DPY19L1: variants seen among roughly 807,000 people sequenced by gnomAD.
DPY19L1 encodes the protein protein C-mannosyl-transferase DPY19L1.
In DPY19L1, 35 loss-of-function variants were observed where a neutral mutation model predicts 96.9. The ratio of observed to expected loss-of-function variants is 0.36; its 90% CI spans 0.28 to 0.48. DPY19L1 has a LOEUF of 0.48. DPY19L1 is among the 20% of genes least tolerant of loss of function. The pLI, the probability that DPY19L1 is intolerant of heterozygous loss-of-function variation, is 0.99. For missense variants in DPY19L1, 521 were observed against 777.9 expected (o/e 0.67, Z 3.93); for synonymous variants, 205 against 252.6 (o/e 0.81, Z 1.79).
rs1033895197 is a variant in DPY19L1 at position 34,998,607 on chromosome 7, C to CAGA, written c.765-8669_765-8667dup. 2.7e-4 allele frequency among the ~76,000 whole-genome samples: 41 copies of CAGA among 152,172 alleles called. 1 individual carries two copies. Among genetic ancestry groups the CAGA allele is most frequent in the Non-Finnish European group, 4.4e-5 (3 of 68,040 alleles). On this transcript the variant is annotated intron_variant, in intron 6 of 21. Transcript: ENST00000638088. Reference sequence around the variant, plus strand: ...ATGTCTCCCGGACTCTGGCCACAGGCAGAAGCAGCTGAGGCTGGTAAACGA... The same window carrying CAGA: ...ATGTCTCCCGGACTCTGGCCACAGGCAGAAGAAGCAGCTGAGGCTGGTAAACGA...
At chr7:34,991,582 T>G (rs1004213226) in intron 6 of DPY19L1, among the ~76,000 whole-genome samples, 4 of 152,184 alleles carry the variant, frequency 2.6e-5, no homozygotes, top group African/African-American at 9.7e-5. Flanking sequence ...AAGGTTAAGA[T>G]AGAGTTAACG....
At chr7:34,993,268 A>C (rs1331857248) in intron 6 of DPY19L1, among the ~76,000 whole-genome samples, 1 of 152,122 alleles carries the variant, frequency 6.6e-6, no homozygotes, top group Non-Finnish European at 1.5e-5. Context: ...TATAAATTGC[A>C]TTTTCCACTT....
chr7:34,978,706 C>T (rs183561778), intron 7 of DPY19L1, among the ~76,000 whole-genome samples: 60 of 152,162 alleles, frequency 3.9e-4, no homozygotes, highest in Non-Finnish European at 1.8e-4. Flanking sequence ...TATTTCTCAT[C>T]CAAAATCCTG....
At chr7:34,958,516 T>C (rs1480989486) in intron 10 of DPY19L1, among the ~76,000 whole-genome samples, 1 of 152,242 alleles carries the variant, frequency 6.6e-6, no homozygotes, top group Non-Finnish European at 1.5e-5. Flanking sequence ...TTCTATTTTG[T>C]TTTGTTTGGA....
intron 7 of DPY19L1, among the ~76,000 whole-genome samples, chr7:34,977,576 T>C (rs1438212097): frequency 2.6e-5 from 4 of 152,202 alleles, no homozygotes. Flanking sequence ...GTTTCTCCAA[T>C]AACACAACGT....
intron 1 of DPY19L1, among the ~76,000 whole-genome samples, chr7:35,030,800 G>A (rs904996494): frequency 6.6e-6 from 1 of 152,178 alleles, no homozygotes; most frequent in Non-Finnish European, 1.5e-5. Context: ...TTTATATTCA[G>A]TGATTCTTGA....
chr7:34,969,657 T>G, intron 8 of DPY19L1, 125 bp from the exon 9 acceptor site: 1 of 470,118 alleles, frequency 2.1e-6, no homozygotes. Flanking sequence ...AAACATAAAA[T>G]GAACCAATGG....
At chr7:34,979,280 C>T (rs191372342) in intron 7 of DPY19L1, among the ~76,000 whole-genome samples, 1 of 152,200 alleles carries the variant, frequency 6.6e-6, no homozygotes. Context: ...AACTCTACCA[C>T]CTTTATCATG....
chr7:34,952,254 A>C (rs180878415), intron 13 of DPY19L1, among the ~76,000 whole-genome samples: 112 of 152,202 alleles, frequency 7.4e-4, no homozygotes, highest in Middle Eastern at 3.4e-3. Context: ...AAATTCCAAT[A>C]AGAATTTTAA....
At chr7:35,035,052 T>C (rs1210729356) in intron 1 of DPY19L1, among the ~76,000 whole-genome samples, 1 of 152,162 alleles carries the variant, frequency 6.6e-6, no homozygotes, top group African/African-American at 2.4e-5. Context: ...AAGAAATAGG[T>C]CTGACATCAG....
chr7:34,940,471 T>C, intron 18 of DPY19L1, 144 bp from the exon 19 acceptor site: 2 of 649,064 alleles, frequency 3.1e-6, no homozygotes, highest in East Asian at 3.1e-5. Context: ...AGCCCCAAAA[T>C]AATAATCTTT....
In DPY19L1 at chr7:35,002,434, GA is replaced by G. The variant is rs60145615; in HGVS notation, c.764+8033del. Reference sequence around the variant, plus strand: ...AAGCCAAAGAGCTTAAAAATGGGGGGAAAAAAAAGAAAATTAGAGGACTGGA... The same window carrying G: ...AAGCCAAAGAGCTTAAAAATGGGGGGAAAAAAAGAAAATTAGAGGACTGGA... On this transcript the variant is annotated intron_variant, in intron 6 of 21. Coordinates refer to ENST00000638088, the MANE Select transcript of DPY19L1 (RefSeq NM_001366673.1). Among the ~76,000 whole-genome samples the G allele has an allele frequency of 3.9e-3, 591 of 151,214 alleles. 3 individuals carry two copies. The highest frequency in any genetic ancestry group is 9.7e-3 in the African/African-American group (402 of 41,252).
intron 4 of DPY19L1, among the ~76,000 whole-genome samples, chr7:35,012,019 C>T (rs1485768835): frequency 2.6e-5 from 4 of 152,236 alleles, no homozygotes; most frequent in African/African-American, 7.2e-5. Context: ...TTCCCTCTTC[C>T]GGGCTGAGGC....
intron 10 of DPY19L1, 111 bp downstream of exon 10, chr7:34,966,783 T>A (rs1784619310): frequency 9.7e-6 from 10 of 1,032,814 alleles, no homozygotes; most frequent in African/African-American, 1.7e-5. Flanking sequence ...TTGAACAACA[T>A]TTGTTTTAGT....
chr7:35,003,870 C>T (rs1458948118), intron 6 of DPY19L1, among the ~76,000 whole-genome samples: 1 of 152,234 alleles, frequency 6.6e-6, no homozygotes, highest in Non-Finnish European at 1.5e-5. Flanking sequence ...GACTCAGCCA[C>T]TTCTGGGTGA....
At chr7:34,991,101 G>A (rs1785157999) in intron 6 of DPY19L1, among the ~76,000 whole-genome samples, 1 of 152,372 alleles carries the variant, frequency 6.6e-6, no homozygotes, top group East Asian at 1.9e-4. Context: ...TAAGTACTTT[G>A]TGGAGCTTCC....
At chr7:35,030,508 G>A (rs1405632124) in intron 1 of DPY19L1, among the ~76,000 whole-genome samples, 2 of 152,126 alleles carry the variant, frequency 1.3e-5, no homozygotes, top group Non-Finnish European at 2.9e-5. Context: ...TGACAGCTAC[G>A]CTATTATGTT....
upstream of DPY19L1, chr7:35,037,936 T>A (rs1206544616): frequency 6.5e-6 from 8 of 1,223,930 alleles, no homozygotes; most frequent in Non-Finnish European, 8.2e-6. Flanking sequence ...CCTCTCGGGA[T>A]CGGGGCGCTG....
intron 6 of DPY19L1, among the ~76,000 whole-genome samples, chr7:34,991,254 T>C (rs1785162411): frequency 6.6e-6 from 1 of 152,174 alleles, no homozygotes; most frequent in African/African-American, 2.4e-5. Flanking sequence ...ACAGTGCTGC[T>C]GGGATATCTT....
Sources: gnomAD v4.1 joint callset for allele counts (sites outside exome capture counted in the v4.1 genomes callset) on GRCh38, gnomAD v4.1.1 for gene constraint, MANE v1.5 for transcripts, NCBI Gene and HGNC (gene_info 2026-07-23, HGNC 2026-07-21) for gene names.